KREMEN1: variants seen among roughly 807,000 people sequenced by gnomAD.
The protein encoded by KREMEN1 is kringle containing transmembrane protein 1, also known as kremen protein 1.
KREMEN1 carries 30 observed loss-of-function variants against 46.5 expected under a neutral mutation model. The observed-to-expected ratio is 0.65, with a 90% CI of 0.48 to 0.88. The LOEUF is 0.88. Among genes scored for constraint, KREMEN1 ranks in the 40% least tolerant of loss-of-function variants. KREMEN1 has a pLI of 0.00. For missense variants in KREMEN1, 533 were observed against 596.9 expected, an observed-to-expected ratio of 0.89 and a Z score of 1.11; for synonymous variants, 214 against 230.6, an observed-to-expected ratio of 0.93 and a Z score of 0.65.
chr22:29,137,671 C>T lies in KREMEN1; in HGVS notation c.961C>T (p.Gln321Ter). The T allele has an allele frequency of 2.5e-6, 4 of 1,583,812 alleles. No homozygotes were observed. The highest frequency in any genetic ancestry group is 3.5e-6 in the Non-Finnish European group (4 of 1,155,894). ...NQAQGFAVLYQAVKEELPQER... is the reference protein window; with the variant it reads ...NQAQGFAVLY ...GGCCCAGGGATTTGCTGTTTTATAC[C>T]AAGGTAAGACATCTTTGCCTCCTTG... The change falls in exon 6 of 9, where the codon CAA (glutamine) becomes TAA (stop). Residue 321 changes from glutamine (Q) to a stop codon, truncating the protein, a stop_gained. Coordinates refer to ENST00000400335, the MANE Select transcript of KREMEN1 (RefSeq NM_001039570.3). LOFTEE classifies it high-confidence loss of function.
intron 3 of KREMEN1, among the ~76,000 whole-genome samples, chr22:29,118,348 G>A (rs1263716704): frequency 2.0e-5 from 3 of 152,152 alleles, no homozygotes; most frequent in African/African-American, 7.2e-5. Context: ...AAGCATGTCA[G>A]CAGTCCAGCT....
In KREMEN1 at chr22:29,094,255, TAGAG is replaced by T; in HGVS notation, c.98-2_99del. On this transcript the variant is annotated splice_acceptor_variant and coding_sequence_variant, in exon 2 of 9. Transcript: ENST00000400335. LOFTEE classifies it high-confidence loss of function. ...AGTTTGCTCTGTCTTTTTTTTCTTC[TAGAG>T]TGTTTCACAGCCAATGGTGCGGATT... 3 of 1,601,864 alleles carry T rather than the reference TAGAG, an allele frequency of 1.9e-6. No individual in the cohort carries two copies. The highest frequency in any genetic ancestry group is 1.7e-4 in the Middle Eastern group (1 of 5,992).
intron 2 of KREMEN1, among the ~76,000 whole-genome samples, chr22:29,098,275 A>G (rs909663846): frequency 6.6e-6 from 1 of 152,072 alleles, no homozygotes; most frequent in Non-Finnish European, 1.5e-5. Flanking sequence ...CTATGGATAT[A>G]CAATTTATTT....
Position 29,137,545 on chromosome 22 carries a change from C to G in KREMEN1, c.835C>G (p.Arg279Gly). The G allele has an allele frequency of 1.2e-6, 2 of 1,613,734 alleles. No individual in the cohort carries two copies. Among genetic ancestry groups the G allele is most frequent in the Non-Finnish European group, 1.7e-6 (2 of 1,179,606 alleles). The change falls in exon 6 of 9, where the codon CGT (arginine) becomes GGT (glycine). Residue 279 changes from arginine to glycine, a missense_variant. By Grantham distance (125) the Arg-to-Gly change is moderately radical (BLOSUM62 -2). Transcript: ENST00000400335. ...GGAGCTTCTGGATGGCTACACCCAC[C>G]GTGTCCTAGCCCGCTTCCACGGGAG... ...MVELLDGYTHRVLARFHGRSR... is the reference protein window; with the variant it reads ...MVELLDGYTHGVLARFHGRSR...
chr22:29,159,461 A>C (rs1368133397), intron 9 of KREMEN1, among the ~76,000 whole-genome samples: 1 of 152,000 alleles, frequency 6.6e-6, no homozygotes, highest in East Asian at 2.0e-4. Context: ...TCTACTAAAA[A>C]TACAAAAATT....
intron 1 of KREMEN1, among the ~76,000 whole-genome samples, chr22:29,080,518 C>CTA (rs1357389340): frequency 6.6e-6 from 1 of 152,198 alleles, no homozygotes; most frequent in Non-Finnish European, 1.5e-5. Context: ...AGATTCTTCC[C>CTA]TAGCGCTTCT....
At chr22:29,092,289 C>T (rs879369543) in intron 1 of KREMEN1, among the ~76,000 whole-genome samples, 1 of 152,080 alleles carries the variant, frequency 6.6e-6, no homozygotes, top group Admixed American at 6.6e-5. Context: ...TGAGGAGGGT[C>T]CATTAGAGGC....
At chr22:29,141,740 G>A (rs367938659) in intron 8 of KREMEN1, among the ~76,000 whole-genome samples, 5 of 152,302 alleles carry the variant, frequency 3.3e-5, no homozygotes, top group Non-Finnish European at 5.9e-5. Flanking sequence ...TGATGCAGAC[G>A]CTGCCCTGCT....
At chr22:29,106,218 C>CTTTT (rs36063476) in intron 3 of KREMEN1, among the ~76,000 whole-genome samples, 2 of 143,184 alleles carry the variant, frequency 1.4e-5, no homozygotes, top group Non-Finnish European at 1.5e-5. Flanking sequence ...TTCACATTAT[C>CTTTT]TTTTTTTTTT....
At chr22:29,150,593 G>A (rs1409219512), downstream of KREMEN1, among the ~76,000 whole-genome samples, 6 of 152,160 alleles carry the variant, frequency 3.9e-5, no homozygotes, top group Admixed American at 3.9e-4. Context: ...GTGCTTCTTT[G>A]CATATTGATC....
intron 3 of KREMEN1, among the ~76,000 whole-genome samples, chr22:29,117,048 G>A (rs990968585): frequency 6.6e-6 from 1 of 152,172 alleles, no homozygotes. Flanking sequence ...TAACCACTTG[G>A]CTTAGAGGGG....
At chr22:29,078,702 G>A (rs908944793) in intron 1 of KREMEN1, among the ~76,000 whole-genome samples, 2 of 152,254 alleles carry the variant, frequency 1.3e-5, no homozygotes, top group African/African-American at 4.8e-5. Flanking sequence ...CTGTGGAACA[G>A]TTAATGCAAA....
At chr22:29,130,795 A>T (rs966729797) in intron 5 of KREMEN1, among the ~76,000 whole-genome samples, 1 of 152,192 alleles carries the variant, frequency 6.6e-6, no homozygotes, top group Non-Finnish European at 1.5e-5. Flanking sequence ...CCTGCCATGG[A>T]GGGCTTGCCC....
At chr22:29,152,172 G>A (rs2038919732) in intron 9 of KREMEN1, among the ~76,000 whole-genome samples, 1 of 152,116 alleles carries the variant, frequency 6.6e-6, no homozygotes, top group African/African-American at 2.4e-5. Flanking sequence ...CTGGGCCCTG[G>A]GAATATCAGG....
At chr22:29,150,480 G>A (rs1421745727), downstream of KREMEN1, among the ~76,000 whole-genome samples, 3 of 152,246 alleles carry the variant, frequency 2.0e-5, no homozygotes, top group Non-Finnish European at 4.4e-5. Context: ...AACAGCCAGG[G>A]CTTTCGCAAC....
At chr22:29,163,463 C>T (rs938515099) in intron 9 of KREMEN1, among the ~76,000 whole-genome samples, 11 of 151,718 alleles carry the variant, frequency 7.3e-5, no homozygotes, top group African/African-American at 1.9e-4. Context: ...CTGCAATATC[C>T]GCCTCCCGGG....
chr22:29,093,310 C>A lies in KREMEN1; in HGVS notation c.98-948C>A, dbSNP rs542813894. 2.6e-5 allele frequency among the ~76,000 whole-genome samples: 4 copies of A among 152,270 alleles called. No homozygotes were observed. The East Asian group carries it at 7.7e-4, about 29-fold the overall frequency. On this transcript the variant is annotated intron_variant, in intron 1 of 8. Coordinates refer to ENST00000400335, the MANE Select transcript of KREMEN1 (RefSeq NM_001039570.3). The stretch of plus-strand genomic sequence containing the variant: ...TGCAGCTAAGAATGCTAGTGTAACT[C>A]CCCCAGGTTGTCAGTTTTCTAATGA...
intron 1 of KREMEN1, among the ~76,000 whole-genome samples, chr22:29,092,632 C>A (rs766544051): frequency 6.6e-6 from 1 of 152,156 alleles, no homozygotes; most frequent in Non-Finnish European, 1.5e-5. Flanking sequence ...TTATGGTACA[C>A]GAAGAGTTGC....
chr22:29,120,766 T>C (rs1253159212), intron 3 of KREMEN1, among the ~76,000 whole-genome samples: 1 of 149,258 alleles, frequency 6.7e-6, no homozygotes, highest in Admixed American at 6.8e-5. Context: ...ACTAACACCT[T>C]GAGTTTAGAC....
Sources: gnomAD v4.1 joint callset for allele counts (sites outside exome capture counted in the v4.1 genomes callset) on GRCh38, gnomAD v4.1.1 for gene constraint, MANE v1.5 for transcripts, NCBI Gene and HGNC (gene_info 2026-07-23, HGNC 2026-07-21) for gene names.